Variants in SH3GL3 observed in about 807,000 individuals in gnomAD.
SH3GL3 encodes SH3 domain containing GRB2 like 3, endophilin A3, also known as endophilin-A3.
A neutral mutation model predicts 47.7 loss-of-function variants in SH3GL3; 33 were observed. The observed-to-expected ratio is 0.69, with a 90% CI of 0.52 to 0.92. SH3GL3 has a LOEUF of 0.92. Among genes scored for constraint, SH3GL3 ranks in the 40% least tolerant of loss-of-function variants. SH3GL3 has a pLI of 0.00. For synonymous variants in SH3GL3, 155 were observed against 148.8 expected (o/e 1.04, Z -0.30); for missense variants, 363 against 417.8 (o/e 0.87, Z 1.14).
intron 1 of SH3GL3, among the ~76,000 whole-genome samples, chr15:83,455,176 C>T: frequency 1.7e-5 from 1 of 58,732 alleles, no homozygotes; most frequent in South Asian, 8.5e-4. Context: ...GCCGAGAGAT[C>T]CGCTGTTAGT....
the SH3GL3 span, among the ~76,000 whole-genome samples, chr15:83,627,409 A>G: frequency 7.2e-5 from 11 of 151,890 alleles, no homozygotes; most frequent in East Asian, 1.9e-4. Flanking sequence ...AAAAAAAAAA[A>G]AAAAGAAAAG....
chr15:83,540,080 G>A (rs2044087269), intron 1 of SH3GL3, among the ~76,000 whole-genome samples: 1 of 151,952 alleles, frequency 6.6e-6, no homozygotes, highest in South Asian at 2.1e-4. Context: ...TTTGACTCAG[G>A]CTGTTTATGC....
intron 1 of SH3GL3, among the ~76,000 whole-genome samples, chr15:83,522,536 T>C (rs2151655207): frequency 6.6e-6 from 1 of 152,366 alleles, no homozygotes; most frequent in South Asian, 2.1e-4. Flanking sequence ...ATCTGTTGGC[T>C]CTTTCTTGGG....
chr15:83,459,810 A>G (rs1210660130), intron 1 of SH3GL3, among the ~76,000 whole-genome samples: 2 of 152,170 alleles, frequency 1.3e-5, no homozygotes, highest in Non-Finnish European at 2.9e-5. Flanking sequence ...GTCTCACGAC[A>G]TACAATTTGC....
chr15:83,627,161 G>T, the SH3GL3 span, among the ~76,000 whole-genome samples: 1 of 152,118 alleles, frequency 6.6e-6, no homozygotes, highest in Non-Finnish European at 1.5e-5. Context: ...ACTTTGGGAG[G>T]CCGAGGCGGG....
downstream of SH3GL3, among the ~76,000 whole-genome samples, chr15:83,619,312 C>A (rs967558314): frequency 2.0e-5 from 3 of 151,934 alleles, no homozygotes; most frequent in African/African-American, 7.3e-5. Flanking sequence ...GCAAATATTG[C>A]AATAAAACAA....
chr15:83,554,047 T>C (rs552161824), intron 1 of SH3GL3, among the ~76,000 whole-genome samples: 1 of 141,856 alleles, frequency 7.0e-6, no homozygotes, highest in East Asian at 2.0e-4. Flanking sequence ...TGAGACAGAG[T>C]CTCACTTTGT....
At chr15:83,544,986 A>G (rs2044331578) in intron 1 of SH3GL3, among the ~76,000 whole-genome samples, 1 of 152,058 alleles carries the variant, frequency 6.6e-6, no homozygotes, top group Non-Finnish European at 1.5e-5. Flanking sequence ...TGATTATTAA[A>G]TGTCTTGAAG....
At chr15:83,580,932 A>AT (rs2059813431) in intron 6 of SH3GL3, among the ~76,000 whole-genome samples, 1 of 152,240 alleles carries the variant, frequency 6.6e-6, no homozygotes, top group African/African-American at 2.4e-5. Flanking sequence ...ATTCGCTCCA[A>AT]AGAGAAAGTG....
rs547699391 is a variant in SH3GL3, at chr15:83,616,342, T to C, written c.839-1740T>C. Reference sequence around the variant, plus strand: ...ATCTTGGCTCACTGCAACCTCCGCCTTCCGGGTTCACGCCATTCTCCTGCC... The same window carrying C: ...ATCTTGGCTCACTGCAACCTCCGCCCTCCGGGTTCACGCCATTCTCCTGCC... On this transcript the variant is annotated intron_variant, in intron 8 of 8. Coordinates refer to ENST00000427482, the MANE Select transcript of SH3GL3 (RefSeq NM_003027.5). 2.1e-5 allele frequency among the ~76,000 whole-genome samples: 3 copies of C among 144,072 alleles called. No individual in the cohort carries two copies. The East Asian group carries it at 6.4e-4, about 31-fold the overall frequency. 94.5% of individuals were successfully genotyped at this position (144,072 alleles called of 152,430 possible).
chr15:83,618,905 C>T (rs1197418772), downstream of SH3GL3, among the ~76,000 whole-genome samples: 1 of 152,200 alleles, frequency 6.6e-6, no homozygotes, highest in East Asian at 1.9e-4. Flanking sequence ...TGACACGAAT[C>T]CTCCTTCCAG....
In SH3GL3 at chr15:83,576,733, G is replaced by C; in HGVS notation, c.616G>C (p.Glu206Gln). The C allele has an allele frequency of 6.3e-7, 1 of 1,598,464 alleles. No individual in the cohort carries two copies. Among genetic ancestry groups the C allele is most frequent in the Non-Finnish European group, 8.5e-7 (1 of 1,171,506 alleles). Reference protein sequence around the residue: ...LAERSMFNFLENDVEQVSQLA... With the variant: ...LAERSMFNFLQNDVEQVSQLA... ...TGAAAGAAGCATGTTTAACTTTTTA[G>C]AAAATGATGTAAGTATTTAAACCAA... is the stretch of plus-strand genomic sequence containing the variant. Residue 206 changes from glutamate to glutamine, a missense_variant, in exon 6 of 9, where the codon GAA (glutamate) becomes CAA (glutamine). Physicochemically the swap from Glu to Gln is conservative, Grantham distance 29. Coordinates refer to ENST00000427482, the MANE Select transcript of SH3GL3 (RefSeq NM_003027.5).
At chr15:83,524,759 T>C (rs1475877150) in intron 1 of SH3GL3, among the ~76,000 whole-genome samples, 1 of 152,052 alleles carries the variant, frequency 6.6e-6, no homozygotes, top group Non-Finnish European at 1.5e-5. Context: ...AGTGAGAATA[T>C]ATGATGTTTT....
At chr15:83,475,578 A>ATTTT (rs1208670548) in intron 1 of SH3GL3, among the ~76,000 whole-genome samples, 2 of 152,242 alleles carry the variant, frequency 1.3e-5, no homozygotes, top group African/African-American at 4.8e-5. Context: ...CATTGGTGTC[A>ATTTT]CCAAGTGCAT....
chr15:83,584,375 A>T (rs1005705886), intron 6 of SH3GL3, among the ~76,000 whole-genome samples: 1 of 152,192 alleles, frequency 6.6e-6, no homozygotes, highest in South Asian at 2.1e-4. Context: ...ACTCAATCAT[A>T]ACCGCAAAGT....
intron 1 of SH3GL3, among the ~76,000 whole-genome samples, chr15:83,531,445 G>C (rs2043668683): frequency 6.6e-6 from 1 of 152,208 alleles, no homozygotes; most frequent in Non-Finnish European, 1.5e-5. Flanking sequence ...ACGGCAGAAA[G>C]GAACAGGGTG....
At chr15:83,581,923 AG>A (rs1254620485) in intron 6 of SH3GL3, among the ~76,000 whole-genome samples, 3 of 152,178 alleles carry the variant, frequency 2.0e-5, no homozygotes, top group South Asian at 2.1e-4. Flanking sequence ...GATGCAAGCC[AG>A]GAGGTGTTTT....
chr15:83,481,642 A>C (rs2041363718), intron 1 of SH3GL3, among the ~76,000 whole-genome samples: 1 of 152,376 alleles, frequency 6.6e-6, no homozygotes, highest in African/African-American at 2.4e-5. Context: ...ACAGTGGTGC[A>C]TTATGATGGC....
chr15:83,506,089 G>A (rs899369441), intron 1 of SH3GL3, among the ~76,000 whole-genome samples: 4 of 151,888 alleles, frequency 2.6e-5, no homozygotes, highest in Non-Finnish European at 4.4e-5. Flanking sequence ...TAACATGTAG[G>A]TTTTTTTCGT....
Sources: gnomAD v4.1 joint callset for allele counts (sites outside exome capture counted in the v4.1 genomes callset) on GRCh38, gnomAD v4.1.1 for gene constraint, MANE v1.5 for transcripts, NCBI Gene and HGNC (gene_info 2026-07-23, HGNC 2026-07-21) for gene names.